RHPN2: variants seen among roughly 807,000 people sequenced by gnomAD.
RHPN2 encodes the protein rhophilin Rho GTPase binding protein 2, also known as rhophilin-2.
A neutral mutation model predicts 79.0 loss-of-function variants in RHPN2; 40 were observed. That is an observed-to-expected ratio of 0.51 (90% CI 0.39 to 0.66). RHPN2 has a LOEUF of 0.66. Among genes scored for constraint, RHPN2 ranks in the 30% least tolerant of loss-of-function variants. The pLI is 0.00. For synonymous variants in RHPN2, 285 were observed against 363.5 expected (o/e 0.78, Z 2.46); for missense variants, 686 against 883.5 (o/e 0.78, Z 2.83).
At chr19:33,033,196 G>C (rs1265490020) in intron 2 of RHPN2, among the ~76,000 whole-genome samples, 1 of 152,150 alleles carries the variant, frequency 6.6e-6, no homozygotes, top group Non-Finnish European at 1.5e-5. Flanking sequence ...AAGAACAAAT[G>C]ACAGAGTGAA....
At chr19:33,000,938 C>G (rs1971744373) in intron 9 of RHPN2, among the ~76,000 whole-genome samples, 1 of 152,170 alleles carries the variant, frequency 6.6e-6, no homozygotes, top group Non-Finnish European at 1.5e-5. Context: ...CATCTTGTCT[C>G]ACCTAATAGA....
rs545018873 is a variant in RHPN2, at chr19:32,998,709, A to AGAGT, written c.1225+876_1225+877insACTC. Among the ~76,000 whole-genome samples the AGAGT allele has an allele frequency of 1.6e-4, 23 of 145,432 alleles. 2 individuals carry two copies. In the South Asian group the frequency reaches 5.0e-3, roughly 32 times the overall value. ...GGACGGGTAGATGGGGAGGAGAGAG[A>AGAGT]GAGAAAGGAAAGAAGGAAAGAATAA... On this transcript the variant is annotated intron_variant, in intron 10 of 14. Transcript: ENST00000254260.
intron 3 of RHPN2, among the ~76,000 whole-genome samples, chr19:33,026,153 A>AT (rs925915097): frequency 5.5e-4 from 80 of 145,926 alleles, no homozygotes; most frequent in East Asian, 2.2e-3. Context: ...ACGCCTGGCT[A>AT]TTTTTTTTTT....
chr19:33,030,041 T>C (rs530615088), intron 2 of RHPN2, among the ~76,000 whole-genome samples: 3 of 152,296 alleles, frequency 2.0e-5, no homozygotes, highest in African/African-American at 7.2e-5. Context: ...AGGCAAGTGG[T>C]TCCACATAAA....
chr19:33,010,414 A>C, intron 6 of RHPN2, among the ~76,000 whole-genome samples: 1 of 142,676 alleles, frequency 7.0e-6, no homozygotes, highest in African/African-American at 2.6e-5. Flanking sequence ...ACAGAGTCTC[A>C]CTCTGTCACC....
chr19:33,022,268 G>A (rs528179696), intron 3 of RHPN2, among the ~76,000 whole-genome samples: 22 of 152,264 alleles, frequency 1.4e-4, no homozygotes, highest in Admixed American at 9.8e-4. Context: ...GCTTCTTTCG[G>A]CAGCTGTGCT....
intron 2 of RHPN2, among the ~76,000 whole-genome samples, chr19:33,043,072 C>A (rs1302440679): frequency 8.1e-6 from 1 of 123,236 alleles, no homozygotes; most frequent in Non-Finnish European, 1.6e-5. Context: ...GAGCAAGACT[C>A]CGTCTCAAAA....
chr19:33,064,822 G>T lies in RHPN2; in HGVS notation c.31C>A (p.Gln11Lys), dbSNP rs760698706. The change falls in exon 1 of 15, where the codon CAG becomes AAG. Residue 11 changes from glutamine (Q) to lysine (K), a missense_variant. Gln to Lys is a moderately conservative substitution (Grantham distance 53, BLOSUM62 1). Transcript: ENST00000254260. MTDALLPAAPQPLEKENDGYF... is the reference protein window; with the variant it reads MTDALLPAAPKPLEKENDGYF... Reference sequence around the variant, plus strand: ...CCGTCGTTCTCCTTCTCCAGCGGCTGGGGGGCCGCGGGCAACAGCGCGTCG... The same window carrying T: ...CCGTCGTTCTCCTTCTCCAGCGGCTTGGGGGCCGCGGGCAACAGCGCGTCG... The T allele has an allele frequency of 1.3e-6, 2 of 1,504,110 alleles. No homozygotes were observed. Among genetic ancestry groups the T allele is most frequent in the African/African-American group, 1.4e-5 (1 of 69,216 alleles). 93.2% of individuals were successfully genotyped at this position (1,504,110 alleles called of 1,614,324 possible).
At chr19:33,029,704 A>G (rs1424598588) in intron 2 of RHPN2, among the ~76,000 whole-genome samples, 2 of 152,232 alleles carry the variant, frequency 1.3e-5, no homozygotes, top group Middle Eastern at 3.4e-3. Context: ...GGTCCCTAAA[A>G]CCACCCCCAA....
chr19:32,981,502 A>G (rs1971574698), intron 14 of RHPN2, among the ~76,000 whole-genome samples: 2 of 131,050 alleles, frequency 1.5e-5, no homozygotes, highest in African/African-American at 5.5e-5. Flanking sequence ...GAAGAGGGCA[A>G]GGGAAGGGAA....
At chr19:32,983,055 TACACACACAC>T (rs57230466) in intron 14 of RHPN2, among the ~76,000 whole-genome samples, 13 of 103,436 alleles carry the variant, frequency 1.3e-4, no homozygotes, top group Non-Finnish European at 1.7e-4. Context: ...CCCAGATCTC[TACACACACAC>T]ACACACACAC....
intron 11 of RHPN2, among the ~76,000 whole-genome samples, 174 bp downstream of exon 11, chr19:32,995,852 C>A (rs1193461472): frequency 6.6e-6 from 1 of 152,194 alleles, no homozygotes; most frequent in Non-Finnish European, 1.5e-5. Flanking sequence ...GAGCGAGACT[C>A]CATCTCAAAA....
chr19:33,004,604 AT>A (rs1054105787), intron 7 of RHPN2, among the ~76,000 whole-genome samples: 1 of 151,726 alleles, frequency 6.6e-6, no homozygotes, highest in Non-Finnish European at 1.5e-5. Context: ...AACACTATTT[AT>A]TTATTTATTT....
chr19:33,022,542 C>T (rs1238327395), intron 3 of RHPN2, among the ~76,000 whole-genome samples: 3 of 152,296 alleles, frequency 2.0e-5, no homozygotes, highest in East Asian at 3.9e-4. Context: ...CACCGAAATG[C>T]ACCTGCCTCC....
chr19:33,059,790 C>T (rs1972264678), intron 1 of RHPN2, among the ~76,000 whole-genome samples: 1 of 152,194 alleles, frequency 6.6e-6, no homozygotes, highest in Non-Finnish European at 1.5e-5. Context: ...AATCTAGGAC[C>T]TTCCAGCATT....
At chr19:33,042,744 C>T (rs1379552869) in intron 2 of RHPN2, among the ~76,000 whole-genome samples, 3 of 152,186 alleles carry the variant, frequency 2.0e-5, no homozygotes, top group Middle Eastern at 3.4e-3. Flanking sequence ...ACAACCTGGG[C>T]AACACAGCAA....
chr19:32,999,170 G>A (rs62127396), intron 10 of RHPN2, among the ~76,000 whole-genome samples: 30,385 of 151,954 alleles, frequency 0.2, 3,496 homozygotes, highest in Non-Finnish European at 0.27. Flanking sequence ...GGTGGTGGAG[G>A]TGAGGTCTGC....
intron 1 of RHPN2, among the ~76,000 whole-genome samples, chr19:33,061,227 T>C (rs1407120053): frequency 1.6e-5 from 1 of 60,730 alleles, no homozygotes; most frequent in South Asian, 1.2e-3. Flanking sequence ...CTGCCTTTCT[T>C]TTTTTTTTTT....
intron 14 of RHPN2, among the ~76,000 whole-genome samples, chr19:32,983,587 C>G (rs186913216): frequency 1.6e-3 from 238 of 150,196 alleles, no homozygotes; most frequent in Admixed American, 4.3e-3. Flanking sequence ...CACACACACT[C>G]TCTCACTCCT....
Sources: gnomAD v4.1 joint callset for allele counts (sites outside exome capture counted in the v4.1 genomes callset) on GRCh38, gnomAD v4.1.1 for gene constraint, MANE v1.5 for transcripts, NCBI Gene and HGNC (gene_info 2026-07-23, HGNC 2026-07-21) for gene names.